The following MYLK4 variants were observed in gnomAD, a reference collection of about 807,000 sequenced individuals.
The protein encoded by MYLK4 is caMLCK like.
Under a neutral mutation model 48.1 loss-of-function variants are expected in MYLK4, and 46 were observed. The ratio of observed to expected loss-of-function variants is 0.96; its 90% CI spans 0.75 to 1.22. The LOEUF (loss-of-function observed/expected upper bound fraction) is 1.22, where lower values mean the gene tolerates loss of function less well. MYLK4 is among the 50% of genes most tolerant of loss of function. The pLI is 0.00. For synonymous variants in MYLK4, 170 were observed against 180.8 expected, an observed-to-expected ratio of 0.94 and a Z score of 0.48; for missense variants, 451 against 486.1, an observed-to-expected ratio of 0.93 and a Z score of 0.68.
the MYLK4 span, among the ~76,000 whole-genome samples, chr6:2,761,131 G>T: frequency 6.6e-6 from 1 of 152,186 alleles, no homozygotes; most frequent in African/African-American, 2.4e-5. Context: ...CAGCCAGGCT[G>T]ACTCTACTTG....
At chr6:2,764,430 C>A in the MYLK4 span, among the ~76,000 whole-genome samples, 1 of 152,116 alleles carries the variant, frequency 6.6e-6, no homozygotes, top group Non-Finnish European at 1.5e-5. Flanking sequence ...TGCTCTTGCC[C>A]AGATGAAATA....
chr6:2,667,723 C>G lies in MYLK4; in HGVS notation c.*202G>C, dbSNP rs1212196447. The G allele has an allele frequency of 6.6e-6, 1 of 152,662 alleles. No homozygotes were observed. The highest frequency in any genetic ancestry group is 1.5e-5 in the Non-Finnish European group (1 of 68,042). The allele number at this position is 152,662 out of a possible 1,614,324, so 9.5% of individuals were successfully genotyped here. On this transcript the variant is annotated 3_prime_UTR_variant, in exon 13 of 13. Coordinates refer to ENST00000274643, the MANE Select transcript of MYLK4 (RefSeq NM_001012418.5). Reference sequence around the variant, plus strand: ...GCAGGGATGTGTTTGCGCCCTGAGACCAGACCGCAGCGCTGGGTGTTCCTC... The same window carrying G: ...GCAGGGATGTGTTTGCGCCCTGAGAGCAGACCGCAGCGCTGGGTGTTCCTC...
chr6:2,763,855 AAAAG>A, the MYLK4 span, among the ~76,000 whole-genome samples: 1 of 151,980 alleles, frequency 6.6e-6, no homozygotes, highest in Non-Finnish European at 1.5e-5. Context: ...AATGAAAAAA[AAAAG>A]CTCACGGTCG....
Position 2,666,092 on chromosome 6 carries a change from G to A in MYLK4, c.*1833C>T, listed in dbSNP as rs115155480. The A allele has an allele frequency of 9.2e-3, 1,403 of 152,248 alleles. 13 individuals carry two copies. Among genetic ancestry groups the A allele is most frequent in the Non-Finnish European group, 0.014 (920 of 68,020 alleles). The allele number at this position is 152,248 out of a possible 1,614,324, so 9.4% of individuals were successfully genotyped here. A position where few individuals can be genotyped will look rare whatever the true frequency, so the allele number is the denominator to read the frequency against. ...AAGGAGTCAGTTTTATAACTAACACGACCACAAAATTCGCATGTGGCCTTC... is the reference window on the plus strand; with the variant it reads ...AAGGAGTCAGTTTTATAACTAACACAACCACAAAATTCGCATGTGGCCTTC... On this transcript the variant is annotated 3_prime_UTR_variant, in exon 13 of 13. Transcript: ENST00000274643.
intron 2 of MYLK4, among the ~76,000 whole-genome samples, chr6:2,694,503 G>GTGACCATGA: frequency 8.1e-5 from 1 of 12,360 alleles, no homozygotes; most frequent in East Asian, 1.4e-3. Context: ...GGTGGTGGTG[G>GTGACCATGA]TGGTGGTGGC....
chr6:2,686,094 GAAAGA>G (rs534744052), intron 4 of MYLK4, among the ~76,000 whole-genome samples: 7,831 of 132,402 alleles, frequency 0.059, 249 homozygotes, highest in Middle Eastern at 0.11. Flanking sequence ...AAGAAAGAAA[GAAAGA>G]AAAAAAAAAA....
At chr6:2,678,489 G>T in intron 9 of MYLK4, 117 bp from the exon 10 acceptor site, 1 of 1,127,780 alleles carries the variant, frequency 8.9e-7, no homozygotes, top group Non-Finnish European at 1.2e-6. Context: ...ACCTAATCCT[G>T]AAGCATAATT....
At chr6:2,734,738 A>G (rs1763608562) in intron 2 of MYLK4, among the ~76,000 whole-genome samples, 1 of 152,214 alleles carries the variant, frequency 6.6e-6, no homozygotes, top group Non-Finnish European at 1.5e-5. Flanking sequence ...CAACTGCAGT[A>G]GTATGTTACC....
intron 2 of MYLK4, among the ~76,000 whole-genome samples, chr6:2,745,188 C>T (rs1764039032): frequency 6.6e-6 from 1 of 152,094 alleles, no homozygotes; most frequent in African/African-American, 2.4e-5. Context: ...ATTTGTGTTT[C>T]ATTAAGCAAA....
chr6:2,730,928 G>A (rs1176950823), intron 2 of MYLK4, among the ~76,000 whole-genome samples: 5 of 152,144 alleles, frequency 3.3e-5, no homozygotes, highest in African/African-American at 7.2e-5. Context: ...TCTGTTACGG[G>A]AGGCTGCTTA....
intron 2 of MYLK4, among the ~76,000 whole-genome samples, chr6:2,711,927 TTGACAAAAGG>T (rs1762688688): frequency 6.6e-6 from 1 of 152,224 alleles, no homozygotes. Flanking sequence ...CATGATATCC[TTGACAAAAGG>T]TGCTTCTGTA....
At chr6:2,706,480 C>T (rs930553393) in intron 2 of MYLK4, among the ~76,000 whole-genome samples, 7 of 151,930 alleles carry the variant, frequency 4.6e-5, no homozygotes, top group East Asian at 1.9e-4. Context: ...CTCATCAAAA[C>T]GTGTATATTA....
chr6:2,669,701 C>G (rs945299679), intron 12 of MYLK4, among the ~76,000 whole-genome samples: 1 of 152,182 alleles, frequency 6.6e-6, no homozygotes, highest in Non-Finnish European at 1.5e-5. Context: ...GTGCCATAAC[C>G]TAGGCCTGGG....
Position 2,692,656 on chromosome 6 carries a change from A to AT in MYLK4, c.235+127dup, listed in dbSNP as rs1160244184. 5.3e-5 allele frequency: 25 copies of AT among 469,022 alleles called. No homozygotes were observed. The East Asian group carries it at 9.6e-4, about 18-fold the overall frequency. 29.1% of individuals were successfully genotyped at this position (469,022 alleles called of 1,614,324 possible). A position where few individuals can be genotyped will look rare whatever the true frequency, so the allele number is the denominator to read the frequency against. On this transcript the variant is annotated intron_variant, in intron 3 of 12. Transcript: ENST00000274643. Reference sequence around the variant, plus strand: ...AAAAAAAAAAAAGGGGGGGGGGGGCATTTTTTTATAAACATCACTTCTTCC... The same window carrying AT: ...AAAAAAAAAAAAGGGGGGGGGGGGCATTTTTTTTATAAACATCACTTCTTCC...
chr6:2,689,087 A>G (rs1761675494), intron 3 of MYLK4, 131 bp from the exon 4 acceptor site: 1 of 684,482 alleles, frequency 1.5e-6, no homozygotes, highest in African/African-American at 1.8e-5. Context: ...TTTGATTCCT[A>G]ATGATCCAGG....
chr6:2,767,634 A>T, the MYLK4 span, among the ~76,000 whole-genome samples: 2 of 152,214 alleles, frequency 1.3e-5, no homozygotes, highest in Non-Finnish European at 2.9e-5. Flanking sequence ...AACCCCATTT[A>T]AGGGATTGAG....
chr6:2,762,485 T>C, the MYLK4 span, among the ~76,000 whole-genome samples: 1 of 152,222 alleles, frequency 6.6e-6, no homozygotes, highest in Non-Finnish European at 1.5e-5. Context: ...TTGGATGGGT[T>C]AATTGATCAT....
chr6:2,747,496 C>T (rs1419117705), intron 2 of MYLK4, among the ~76,000 whole-genome samples: 3 of 152,018 alleles, frequency 2.0e-5, no homozygotes, highest in African/African-American at 7.2e-5. Context: ...CAGATGTGTG[C>T]CACCATGCCC....
chr6:2,694,837 C>G (rs1163835745), intron 2 of MYLK4, among the ~76,000 whole-genome samples: 2 of 151,990 alleles, frequency 1.3e-5, no homozygotes, highest in Non-Finnish European at 2.9e-5. Context: ...AATGGTAGAG[C>G]TAGGATTCTG....
Sources: gnomAD v4.1 joint callset for allele counts (sites outside exome capture counted in the v4.1 genomes callset) on GRCh38, gnomAD v4.1.1 for gene constraint, MANE v1.5 for transcripts, NCBI Gene and HGNC (gene_info 2026-07-23, HGNC 2026-07-21) for gene names.